LDAF1: variants seen among roughly 807,000 people sequenced by gnomAD.
LDAF1 encodes PROMETHIN.
Under a neutral mutation model 13.5 loss-of-function variants are expected in LDAF1, and 7 were observed. The observed-to-expected ratio is 0.52, with a 90% CI of 0.29 to 0.97. The LOEUF (loss-of-function observed/expected upper bound fraction) is 0.97. Among genes scored for constraint, LDAF1 ranks in the 50% least tolerant of loss-of-function variants. The pLI is 0.07. For synonymous variants in LDAF1, 69 were observed against 77.1 expected (o/e 0.89, Z 0.55); for missense variants, 148 against 193.2 (o/e 0.77, Z 1.39).
chr16:21,161,126 C>T lies in LDAF1; in HGVS notation c.-57C>T. 2 of 1,604,970 alleles carry T rather than the reference C, an allele frequency of 1.2e-6. No individual in the cohort carries two copies. Among genetic ancestry groups the T allele is most frequent in the Non-Finnish European group, 1.7e-6 (2 of 1,176,530 alleles). Reference sequence around the variant, plus strand: ...ATGAGAGATTGGACCGCGGGCTGCACTGGAGAATTTACTGGTAGGATAATT... The same window carrying T: ...ATGAGAGATTGGACCGCGGGCTGCATTGGAGAATTTACTGGTAGGATAATT... On this transcript the variant is annotated 5_prime_UTR_variant, in exon 2 of 5. Coordinates refer to ENST00000233047, the MANE Select transcript of LDAF1 (RefSeq NM_001301771.2).
intron 1 of LDAF1, among the ~76,000 whole-genome samples, 168 bp downstream of exon 1, chr16:21,158,914 TTA>T (rs2092925119): frequency 6.6e-6 from 1 of 151,920 alleles, no homozygotes. Context: ...CGTCTCCTGC[TTA>T]TGAGTCGCCG....
At chr16:21,165,597 T>C in intron 2 of LDAF1, 1 of 984,152 alleles carries the variant, frequency 1.0e-6, no homozygotes, top group Non-Finnish European at 1.2e-6. Context: ...AGCCTGGACT[T>C]GACCACAGTA....
rs1200367741 is a variant in LDAF1, at chr16:21,179,504, A to C, written c.434A>C (p.Asp145Ala). 1 of 1,614,164 alleles carries C rather than the reference A, an allele frequency of 6.2e-7. No homozygotes were observed. The highest frequency in any genetic ancestry group is 1.1e-5 in the South Asian group (1 of 91,080). ...RPLTQQNTSCDFLPAMKSAEF... is the reference protein window; with the variant it reads ...RPLTQQNTSCAFLPAMKSAEF... ...CTGACACAGCAAAACACCAGTTGTG[A>C]CTTTCTGCCAGCCATGAAGTCTGCA... The change falls in exon 5 of 5, where the codon GAC (aspartate) becomes GCC (alanine). Residue 145 changes from aspartate to alanine, a missense_variant. Physicochemically the swap from Asp to Ala is moderately radical, Grantham distance 126. Coordinates refer to ENST00000233047, the MANE Select transcript of LDAF1 (RefSeq NM_001301771.2).
intron 2 of LDAF1, among the ~76,000 whole-genome samples, chr16:21,169,548 A>C (rs758336733): frequency 6.6e-6 from 1 of 152,110 alleles, no homozygotes; most frequent in Non-Finnish European, 1.5e-5. Flanking sequence ...GCCTCAAGCA[A>C]TCTTCCTGCC....
chr16:21,161,031 C>T lies in LDAF1; in HGVS notation c.-98-54C>T, dbSNP rs1414258414. 28 of 1,408,560 alleles carry T rather than the reference C, an allele frequency of 2.0e-5. No individual in the cohort carries two copies. In the East Asian group the frequency reaches 5.9e-4, roughly 29 times the overall value. The allele number at this position is 1,408,560 out of a possible 1,614,324, so 87.3% of individuals were successfully genotyped here. On this transcript the variant is annotated intron_variant, in intron 1 of 4. Coordinates refer to ENST00000233047, the MANE Select transcript of LDAF1 (RefSeq NM_001301771.2). ...AAGGTATGAGGATGGTAGAAGCTCTCGTCGAACCAGATGGATGAAGACCAC... is the reference window on the plus strand; with the variant it reads ...AAGGTATGAGGATGGTAGAAGCTCTTGTCGAACCAGATGGATGAAGACCAC...
intron 4 of LDAF1, among the ~76,000 whole-genome samples, chr16:21,176,196 C>G (rs547681267): frequency 6.6e-6 from 1 of 152,218 alleles, no homozygotes; most frequent in Non-Finnish European, 1.5e-5. Flanking sequence ...AATCTGACTC[C>G]CTACTTATCA....
At chr16:21,174,254 A>C in intron 4 of LDAF1, 106 bp downstream of exon 4, 13 of 1,072,050 alleles carry the variant, frequency 1.2e-5, no homozygotes, top group South Asian at 3.5e-5. Flanking sequence ...CAGTGGCATG[A>C]ACATAGCTCG....
chr16:21,179,179 T>C (rs1287814802), intron 4 of LDAF1: 3 of 214,550 alleles, frequency 1.4e-5, no homozygotes, highest in Non-Finnish European at 2.4e-5. Context: ...ACAAAATGGC[T>C]ACTCTTAATC....
At position 21,178,355 on chromosome 16, in the gene LDAF1, C is replaced by T. The variant is rs938055372; in HGVS notation, c.405-1120C>T. ...AGCCTGAGCATAACTAGCTTCCTTA[C>T]ATCTTTACTAAGAAAAGGAAAGGCT... On this transcript the variant is annotated intron_variant, in intron 4 of 4. Transcript: ENST00000233047. The T allele has an allele frequency of 5.1e-6, 5 of 985,334 alleles. No individual in the cohort carries two copies. The South Asian group carries it at 1.9e-4, about 37-fold the overall frequency. 61.0% of individuals were successfully genotyped at this position (985,334 alleles called of 1,614,324 possible). A position where few individuals can be genotyped will look rare whatever the true frequency, so the allele number is the denominator to read the frequency against.
rs186604195 is a variant in LDAF1, at chr16:21,178,083, G to T, written c.405-1392G>T. The T allele has an allele frequency of 5.4e-4, 281 of 517,158 alleles. No homozygotes were observed. In the African/African-American group the frequency reaches 5.5e-3, roughly 10 times the overall value. 32.0% of individuals were successfully genotyped at this position (517,158 alleles called of 1,614,324 possible). A position where few individuals can be genotyped will look rare whatever the true frequency, so the allele number is the denominator to read the frequency against. ...CAGCTTAAATTTTTAAAAAAGAAAA[G>T]AAAAAGGAAACAAAACTGTAAGTTT... On this transcript the variant is annotated intron_variant, in intron 4 of 4. Coordinates refer to ENST00000233047, the MANE Select transcript of LDAF1 (RefSeq NM_001301771.2).
intron 2 of LDAF1, among the ~76,000 whole-genome samples, chr16:21,168,164 G>A (rs1046421632): frequency 2.0e-4 from 31 of 151,996 alleles, no homozygotes; most frequent in African/African-American, 6.5e-4. Context: ...ACCAGCACGC[G>A]CCACCATGCC....
chr16:21,166,473 A>G (rs1205246037), intron 2 of LDAF1, among the ~76,000 whole-genome samples: 1 of 152,244 alleles, frequency 6.6e-6, no homozygotes, highest in African/African-American at 2.4e-5. Context: ...AATCCAGGCC[A>G]TCAGTCACAG....
intron 2 of LDAF1, chr16:21,165,559 C>T (rs2093015909): frequency 2.0e-6 from 2 of 981,874 alleles, no homozygotes; most frequent in Non-Finnish European, 2.4e-6. Flanking sequence ...CCATCTACCC[C>T]TCCCCCTTCT....
intron 2 of LDAF1, among the ~76,000 whole-genome samples, chr16:21,168,753 A>G (rs1236652598): frequency 7.5e-6 from 1 of 132,926 alleles, no homozygotes; most frequent in East Asian, 2.1e-4. Flanking sequence ...TATTTTATAT[A>G]TTATAATTAT....
intron 4 of LDAF1, among the ~76,000 whole-genome samples, chr16:21,177,614 G>A (rs559046765): frequency 5.6e-5 from 8 of 143,936 alleles, no homozygotes; most frequent in Admixed American, 2.9e-4. Context: ...TTGCATTAGC[G>A]AATTCTTTTT....
Position 21,167,733 on chromosome 16 carries a change from G to A in LDAF1, c.97-2704G>A, listed in dbSNP as rs114146188. On this transcript the variant is annotated intron_variant, in intron 2 of 4. Coordinates refer to ENST00000233047, the MANE Select transcript of LDAF1 (RefSeq NM_001301771.2). ...TTGAAAAGGAGACTTGCGGTGGGGC[G>A]CGGTATCCCACGCCTGTAATCTCAG... Among the ~76,000 whole-genome samples, 964 of 116,436 alleles carry A rather than the reference G, an allele frequency of 8.3e-3. 11 individuals carry two copies. The highest frequency in any genetic ancestry group is 0.028 in the African/African-American group (890 of 31,546). 76.4% of individuals were successfully genotyped at this position (116,436 alleles called of 152,430 possible).
chr16:21,171,443 A>G (rs2093087759), intron 3 of LDAF1, among the ~76,000 whole-genome samples: 1 of 152,178 alleles, frequency 6.6e-6, no homozygotes, highest in Non-Finnish European at 1.5e-5. Context: ...AGGCATGGTC[A>G]GTGGATGAGC....
chr16:21,179,481 GAC>G lies in LDAF1; in HGVS notation c.415_416del (p.Gln139AlafsTer6), dbSNP rs1261229072. Reference sequence around the variant, plus strand: ...TCTTCTTGTTATCCGACAGGCCACTGACACAGCAAAACACCAGTTGTGACTTT... The same window carrying G: ...TCTTCTTGTTATCCGACAGGCCACTGACAGCAAAACACCAGTTGTGACTTT... ...ISCWFSPRPLTQQNTSCDFLP... is the reference protein window; with the variant it reads ...ISCWFSPRPLXQQNTSCDFLP... On this transcript the variant is annotated frameshift_variant, in exon 5 of 5. Coordinates refer to ENST00000233047, the MANE Select transcript of LDAF1 (RefSeq NM_001301771.2). LOFTEE classifies it low-confidence loss of function (END_TRUNC). 1.2e-6 allele frequency: 2 copies of G among 1,614,008 alleles called. No homozygotes were observed. Among genetic ancestry groups the G allele is most frequent in the African/African-American group, 1.3e-5 (1 of 74,908 alleles).
rs1461804165 is a variant in LDAF1 at position 21,170,542 on chromosome 16, T to G, written c.202T>G (p.Phe68Val). The change falls in exon 3 of 5, where the codon TTC (phenylalanine) becomes GTC (valine). Residue 68 changes from phenylalanine (F) to valine (V), a missense_variant. Coordinates refer to ENST00000233047, the MANE Select transcript of LDAF1 (RefSeq NM_001301771.2). ...TGTCATGTCGGCCGTTCCTGTTGGA[T>G]TCTTCCTGCTCATCGTGGTGCTTAC... Reference protein sequence around the residue: ...FIVMSAVPVGFFLLIVVLTTL... With the variant: ...FIVMSAVPVGVFLLIVVLTTL... The G allele has an allele frequency of 5.0e-6, 8 of 1,614,090 alleles. No homozygotes were observed. Among genetic ancestry groups the G allele is most frequent in the Non-Finnish European group, 6.8e-6 (8 of 1,180,038 alleles).
Sources: allele counts gnomAD v4.1 joint callset (sites outside exome capture counted in the v4.1 genomes callset), GRCh38; gene constraint gnomAD v4.1.1; transcripts MANE v1.5; gene names NCBI Gene and HGNC (gene_info 2026-07-23, HGNC 2026-07-21).